Variants in MAP3K15 observed in about 807,000 individuals in gnomAD.
MAP3K15 encodes MAPK/ERK kinase kinase 15.
A neutral mutation model predicts 99.5 loss-of-function variants in MAP3K15; 124 were observed. The observed-to-expected ratio is 1.25, with a 90% confidence interval of 1.08 to 1.45. The LOEUF (loss-of-function observed/expected upper bound fraction) is 1.45, where lower values mean the gene tolerates loss of function less well. Among genes scored for constraint, MAP3K15 ranks in the 40% most tolerant of loss-of-function variants. MAP3K15 has a pLI of 0.00. For missense variants in MAP3K15, 1,242 were observed against 1,079.7 expected, an observed-to-expected ratio of 1.15 and a Z score of -2.11; for synonymous variants, 494 against 439.6, an observed-to-expected ratio of 1.12 and a Z score of -1.55.
intron 15 of MAP3K15, among the ~76,000 whole-genome samples, chrX:19,396,901 C>T (rs1197217195): frequency 2.0e-5 from 2 of 99,725 alleles, no homozygotes; most frequent in Non-Finnish European, 4.1e-5. Context: ...TAAATTTAAA[C>T]TTTTTTTTTT....
chrX:19,486,941 C>G (rs1384596218), intron 2 of MAP3K15, among the ~76,000 whole-genome samples: 1 of 111,091 alleles, frequency 9.0e-6, no homozygotes. Flanking sequence ...CTTCCTGAAT[C>G]AATCAATGTG....
chrX:19,474,659 A>C (rs2064230042), intron 3 of MAP3K15, among the ~76,000 whole-genome samples: 1 of 109,672 alleles, frequency 9.1e-6, no homozygotes, highest in African/African-American at 3.3e-5. Context: ...ATACCCTAGT[A>C]GTAGACTTGA....
intron 15 of MAP3K15, among the ~76,000 whole-genome samples, chrX:19,395,806 T>C (rs2063563970): frequency 8.9e-6 from 1 of 112,337 alleles, no homozygotes; most frequent in African/African-American, 3.2e-5. Context: ...ACAAGGACTT[T>C]CAAAGATCAG....
At chrX:19,474,681 T>C in intron 3 of MAP3K15, among the ~76,000 whole-genome samples, 1 of 110,604 alleles carries the variant, frequency 9.0e-6, no homozygotes, top group Non-Finnish European at 1.9e-5. Context: ...ACTTGAGACT[T>C]TGTTGGTAAC....
chrX:19,515,252 C>G lies in MAP3K15; in HGVS notation c.10G>C (p.Gly4Arg), dbSNP rs1335896137. ...GCCCCGGCCGGAGCATTCCCACCGC[C>G]GCTCTCCATGTGCCCGCCTGCGCGC... MES[G>R]GGNAPAGALG... Residue 4 changes from glycine to arginine, a missense_variant, in exon 1 of 29, where the codon GGC (glycine) becomes CGC (arginine). By Grantham distance (125) the Gly-to-Arg change is moderately radical (BLOSUM62 -2). Transcript: ENST00000338883. 1 of 892,008 alleles carries G rather than the reference C, an allele frequency of 1.1e-6. No individual in the cohort carries two copies. Among genetic ancestry groups the G allele is most frequent in the Non-Finnish European group, 1.4e-6 (1 of 726,223 alleles). The allele number at this position is 892,008 out of a possible 1,213,427, so 73.5% of individuals were successfully genotyped here. A position where few individuals can be genotyped will look rare whatever the true frequency, so the allele number is the denominator to read the frequency against.
chrX:19,491,434 T>A (rs1243346679), intron 1 of MAP3K15, among the ~76,000 whole-genome samples: 1 of 110,341 alleles, frequency 9.1e-6, no homozygotes, highest in Non-Finnish European at 1.9e-5. Context: ...GAGGAAGGGA[T>A]ACTGTCCATG....
At position 19,415,794 on chromosome X, in the gene MAP3K15, T is replaced by TTATA. The variant is rs2063729693; in HGVS notation, c.1440-538_1440-537insTATA. Among the ~76,000 whole-genome samples, 4 of 111,824 alleles carry TTATA rather than the reference T, an allele frequency of 3.6e-5. No individual in the cohort carries two copies. The Admixed American group carries it at 3.8e-4, about 11-fold the overall frequency. On this transcript the variant is annotated intron_variant, in intron 9 of 28. Coordinates refer to ENST00000338883, the MANE Select transcript of MAP3K15 (RefSeq NM_001001671.4). ...TGTAGGTACTGGTCCATTTTATCAT[T>TTATA]TACTACCCAACATATATACAAATCT...
intron 13 of MAP3K15, among the ~76,000 whole-genome samples, chrX:19,405,412 C>T (rs749944541): frequency 8.9e-6 from 1 of 111,736 alleles, no homozygotes; most frequent in Non-Finnish European, 1.9e-5. Flanking sequence ...AGTCAAAGGA[C>T]TACCCAAAAT....
intron 1 of MAP3K15, 66 bp from the exon 2 acceptor site, chrX:19,489,033 G>A (rs895150090): frequency 9.8e-6 from 10 of 1,022,759 alleles, no homozygotes; most frequent in Non-Finnish European, 1.3e-5. Flanking sequence ...ACTCACTGGT[G>A]ATCACCAGTG....
intron 3 of MAP3K15, among the ~76,000 whole-genome samples, chrX:19,475,539 T>G (rs1406049724): frequency 9.0e-6 from 1 of 111,038 alleles, no homozygotes; most frequent in African/African-American, 3.3e-5. Context: ...CTTAGATGCT[T>G]CACGTAGAAC....
intron 15 of MAP3K15, among the ~76,000 whole-genome samples, chrX:19,396,111 T>C (rs1195065920): frequency 9.0e-6 from 1 of 111,709 alleles, no homozygotes; most frequent in African/African-American, 3.3e-5. Flanking sequence ...TCCTCTATCA[T>C]GGCACTTGGC....
chrX:19,361,730 C>T (rs2063290744), intron 26 of MAP3K15, 137 bp from the exon 27 acceptor site: 1 of 441,450 alleles, frequency 2.3e-6, no homozygotes, highest in Non-Finnish European at 3.9e-6. Flanking sequence ...CACTGAACCA[C>T]GCTAATACGT....
chrX:19,398,785 A>C (rs1255475968), intron 14 of MAP3K15, among the ~76,000 whole-genome samples: 1 of 111,862 alleles, frequency 8.9e-6, no homozygotes, highest in Non-Finnish European at 1.9e-5. Flanking sequence ...TATAATTAAC[A>C]TTATCTTAAT....
intron 3 of MAP3K15, among the ~76,000 whole-genome samples, chrX:19,465,942 C>T (rs946444874): frequency 9.2e-6 from 1 of 108,920 alleles, no homozygotes; most frequent in Non-Finnish European, 1.9e-5. Context: ...CAAAGACTCT[C>T]TGTTCCCTGT....
intron 25 of MAP3K15, among the ~76,000 whole-genome samples, chrX:19,365,144 G>C (rs1035381197): frequency 1.8e-5 from 2 of 109,624 alleles, no homozygotes; most frequent in African/African-American, 6.6e-5. Context: ...AGGAGGCAGA[G>C]GTTGCAGTGA....
At chrX:19,465,483 C>T (rs1399727328) in intron 3 of MAP3K15, among the ~76,000 whole-genome samples, 1 of 108,929 alleles carries the variant, frequency 9.2e-6, no homozygotes, top group Non-Finnish European at 1.9e-5. Flanking sequence ...CGGTGGCTCA[C>T]GCCTGTAATC....
In MAP3K15 at chrX:19,360,159, A is replaced by ACTT. The variant is rs1279806575; in HGVS notation, c.*587_*589dup. ...TTGTAATCATTTCAAAGGCCACATAACTTAGTTTTCTCTACTTACACATTC... is the reference window on the plus strand; with the variant it reads ...TTGTAATCATTTCAAAGGCCACATAACTTCTTAGTTTTCTCTACTTACACATTC... On this transcript the variant is annotated 3_prime_UTR_variant, in exon 29 of 29. Transcript: ENST00000338883. The ACTT allele has an allele frequency of 6.6e-6, 1 of 150,429 alleles. No individual in the cohort carries two copies. Among genetic ancestry groups the ACTT allele is most frequent in the Non-Finnish European group, 1.3e-5 (1 of 77,531 alleles). 12.4% of individuals were successfully genotyped at this position (150,429 alleles called of 1,213,427 possible).
intron 6 of MAP3K15, among the ~76,000 whole-genome samples, chrX:19,444,630 G>A (rs1262968950): frequency 8.9e-6 from 1 of 111,874 alleles, no homozygotes; most frequent in African/African-American, 3.2e-5. Flanking sequence ...ACATATTTTA[G>A]ATCATTCCTG....
intron 3 of MAP3K15, among the ~76,000 whole-genome samples, chrX:19,478,513 AC>A (rs1157235974): frequency 8.7e-5 from 6 of 69,004 alleles, no homozygotes; most frequent in African/African-American, 3.3e-4. Context: ...AGAAATTGTT[AC>A]CCTGACCGAG....
Sources: allele counts gnomAD v4.1 joint callset (sites outside exome capture counted in the v4.1 genomes callset), GRCh38; gene constraint gnomAD v4.1.1; transcripts MANE v1.5; gene names NCBI Gene and HGNC (gene_info 2026-07-23, HGNC 2026-07-21).